The following MBTD1 variants were observed in gnomAD, a reference collection of about 807,000 sequenced individuals.
MBTD1 encodes the protein MBT domain-containing protein 1.
Under a neutral mutation model 87.8 loss-of-function variants are expected in MBTD1, and 24 were observed. The ratio of observed to expected loss-of-function variants is 0.27; its 90% confidence interval spans 0.20 to 0.38. The LOEUF is 0.38. MBTD1 is among the 10% of genes least tolerant of loss of function. The pLI, the probability that MBTD1 is intolerant of heterozygous loss-of-function variation, is 1.00. For missense variants in MBTD1, 436 were observed against 760.2 expected (o/e 0.57, Z 5.02); for synonymous variants, 237 against 248.6 (o/e 0.95, Z 0.44).
intron 2 of MBTD1, among the ~76,000 whole-genome samples, chr17:51,247,441 C>CATTTTT (rs1266579249): frequency 4.5e-5 from 6 of 132,038 alleles, no homozygotes; most frequent in Admixed American, 1.5e-4. Context: ...ATCAGTATTA[C>CATTTTT]TTTTTTTTTT....
intron 2 of MBTD1, among the ~76,000 whole-genome samples, chr17:51,252,179 T>G (rs960281665): frequency 1.3e-5 from 2 of 152,208 alleles, no homozygotes; most frequent in Admixed American, 6.5e-5. Flanking sequence ...CATTTAAACC[T>G]TATGAGTGTC....
At chr17:51,202,180 C>T in intron 10 of MBTD1, 103 bp from the exon 11 acceptor site, 1 of 717,780 alleles carries the variant, frequency 1.4e-6, no homozygotes, top group Non-Finnish European at 2.5e-6. Context: ...TACTATAAAA[C>T]ATGGCAAGAA....
At chr17:51,224,663 G>A (rs1369506356) in intron 3 of MBTD1, among the ~76,000 whole-genome samples, 1 of 152,148 alleles carries the variant, frequency 6.6e-6, no homozygotes, top group Non-Finnish European at 1.5e-5. Flanking sequence ...AATTAATATA[G>A]AGGAGGGAGC....
At chr17:51,243,382 T>C (rs1400924563) in intron 2 of MBTD1, among the ~76,000 whole-genome samples, 3 of 152,072 alleles carry the variant, frequency 2.0e-5, no homozygotes, top group Admixed American at 6.5e-5. Flanking sequence ...TGTACTCTAC[T>C]CAAACACAAC....
chr17:51,207,341 T>C (rs1286532448), intron 6 of MBTD1, among the ~76,000 whole-genome samples: 2 of 152,212 alleles, frequency 1.3e-5, no homozygotes, highest in Admixed American at 6.5e-5. Flanking sequence ...TAATATGTAC[T>C]GAGTGAATAC....
intron 6 of MBTD1, among the ~76,000 whole-genome samples, chr17:51,211,149 G>GAA (rs113570976): frequency 0.012 from 1,569 of 127,692 alleles, 13 homozygotes; most frequent in Non-Finnish European, 0.015. Flanking sequence ...AAAAAAAAAA[G>GAA]AAAAAAAAAA....
chr17:51,245,249 T>G (rs994110577), intron 2 of MBTD1, among the ~76,000 whole-genome samples: 14 of 152,278 alleles, frequency 9.2e-5, no homozygotes, highest in Middle Eastern at 3.4e-3. Flanking sequence ...TGTGCCTACT[T>G]TTTTTCTTCT....
At chr17:51,224,102 A>G (rs2053074270) in intron 3 of MBTD1, among the ~76,000 whole-genome samples, 1 of 152,218 alleles carries the variant, frequency 6.6e-6, no homozygotes, top group African/African-American at 2.4e-5. Flanking sequence ...GGCCTCACAC[A>G]GGGTGACCAT....
At chr17:51,251,402 T>C (rs1161928324) in intron 2 of MBTD1, 3 of 152,224 alleles carry the variant, frequency 2.0e-5, no homozygotes, top group Admixed American at 6.5e-5. Flanking sequence ...AGGCAATGCT[T>C]ATAATTTAAA....
chr17:51,219,572 G>C (rs2052767861), intron 4 of MBTD1, among the ~76,000 whole-genome samples: 2 of 152,076 alleles, frequency 1.3e-5, no homozygotes, highest in South Asian at 2.1e-4. Flanking sequence ...GGATCTTTAG[G>C]TACTGTCTAT....
intron 12 of MBTD1, among the ~76,000 whole-genome samples, chr17:51,199,750 AG>A (rs1250744444): frequency 2.0e-5 from 3 of 152,182 alleles, no homozygotes; most frequent in African/African-American, 7.2e-5. Flanking sequence ...GAGGAAGAAC[AG>A]GGTTTGGAGC....
chr17:51,195,129 T>A (rs1473719958), intron 13 of MBTD1, 85 bp downstream of exon 13: 1 of 1,219,722 alleles, frequency 8.2e-7, no homozygotes, highest in Admixed American at 2.1e-5. Flanking sequence ...TCAGGAAATC[T>A]AGGGCTGTGT....
chr17:51,231,545 G>A (rs1368179299), intron 2 of MBTD1, among the ~76,000 whole-genome samples: 1 of 152,132 alleles, frequency 6.6e-6, no homozygotes, highest in Non-Finnish European at 1.5e-5. Flanking sequence ...AGTGATTAAA[G>A]AGGAATATAC....
intron 11 of MBTD1, 84 bp downstream of exon 11, chr17:51,201,938 G>T (rs2051516681): frequency 3.2e-6 from 3 of 948,336 alleles, no homozygotes; most frequent in African/African-American, 1.6e-5. Context: ...ATATGTAATT[G>T]TGATTTCCGT....
At chr17:51,216,211 C>T (rs972120849) in intron 6 of MBTD1, among the ~76,000 whole-genome samples, 7 of 152,062 alleles carry the variant, frequency 4.6e-5, no homozygotes, top group East Asian at 1.9e-4. Context: ...GGATTACAGG[C>T]GTGAGCCACC....
At chr17:51,260,290 G>A (rs544821724), upstream of MBTD1, 49 of 507,742 alleles carry the variant, frequency 9.7e-5, no homozygotes, top group South Asian at 1.2e-3. Context: ...GGGGTTTCTT[G>A]CGCTCCTTTC....
intron 3 of MBTD1, among the ~76,000 whole-genome samples, chr17:51,224,110 C>G (rs567479510): frequency 6.6e-6 from 1 of 152,150 alleles, no homozygotes; most frequent in East Asian, 1.9e-4. Context: ...ACAGGGTGAC[C>G]ATTTGTTTGG....
intron 12 of MBTD1, among the ~76,000 whole-genome samples, chr17:51,198,155 A>G (rs2051246652): frequency 6.7e-6 from 1 of 149,822 alleles, no homozygotes; most frequent in African/African-American, 2.6e-5. Context: ...ATCAATCACC[A>G]TATTCCACAA....
chr17:51,201,091 T>C (rs536069129), intron 12 of MBTD1, among the ~76,000 whole-genome samples: 1 of 152,020 alleles, frequency 6.6e-6, no homozygotes, highest in African/African-American at 2.4e-5. Flanking sequence ...ATCACACTAC[T>C]GCACTCCAAC....
Sources: allele counts gnomAD v4.1 joint callset (sites outside exome capture counted in the v4.1 genomes callset), GRCh38; gene constraint gnomAD v4.1.1; transcripts MANE v1.5; gene names NCBI Gene and HGNC (gene_info 2026-07-23, HGNC 2026-07-21).